The following CTDSPL2 variants were observed in gnomAD, a reference collection of about 807,000 sequenced individuals.
The protein encoded by CTDSPL2 is CTD small phosphatase-like protein 2.
Under a neutral mutation model 60.0 loss-of-function variants are expected in CTDSPL2, and 5 were observed. That is an observed-to-expected ratio of 0.08 (90% CI 0.04 to 0.18). The LOEUF is 0.18. Among genes scored for constraint, CTDSPL2 ranks in the 10% least tolerant of loss-of-function variants. The pLI is 1.00. For synonymous variants in CTDSPL2, 186 were observed against 189.3 expected (o/e 0.98, Z 0.14); for missense variants, 370 against 548.8 (o/e 0.67, Z 3.26).
At chr15:44,459,793 G>T (rs1045807467) in intron 2 of CTDSPL2, among the ~76,000 whole-genome samples, 10 of 152,058 alleles carry the variant, frequency 6.6e-5, no homozygotes, top group Admixed American at 2.0e-4. Context: ...TTCTTTCAAA[G>T]AAAAAGTTTC....
At chr15:44,485,625 T>A (rs1174186244) in intron 3 of CTDSPL2, among the ~76,000 whole-genome samples, 1 of 152,232 alleles carries the variant, frequency 6.6e-6, no homozygotes, top group Non-Finnish European at 1.5e-5. Flanking sequence ...GTTCACCTCC[T>A]GCTCTGCGGC....
chr15:44,524,140 G>A lies in CTDSPL2; in HGVS notation c.1367G>A (p.Arg456Lys). 1 of 1,614,014 alleles carries A rather than the reference G, an allele frequency of 6.2e-7. No individual in the cohort carries two copies. Among genetic ancestry groups the A allele is most frequent in the Non-Finnish European group, 8.5e-7 (1 of 1,179,984 alleles). Residue 456 changes from arginine to lysine, a missense_variant, in exon 13 of 13, where the codon AGA (arginine) becomes AAA (lysine). This residue lies in a region of CTDSPL2 where 46 missense variants were observed against 126.0 expected (regional missense o/e 0.37). Transcript: ENST00000260327. The part of the protein sequence containing the change: ...NEDVRPHIRD[R>K]FRLHDLLPPD ...GATGTTCGACCACACATCAGAGACA[G>A]ATTTCGCTTGCATGATTTGCTGCCC...
intron 8 of CTDSPL2, among the ~76,000 whole-genome samples, chr15:44,508,687 C>T (rs1233735397): frequency 1.3e-5 from 2 of 152,140 alleles, no homozygotes; most frequent in East Asian, 3.9e-4. Context: ...CTTTGGGAGG[C>T]TGAGGCGGGT....
At chr15:44,498,826 G>C (rs1427333626) in intron 7 of CTDSPL2, among the ~76,000 whole-genome samples, 1 of 152,092 alleles carries the variant, frequency 6.6e-6, no homozygotes, top group South Asian at 2.1e-4. Context: ...TTGATCCCGG[G>C]AAGTGGAGGT....
At chr15:44,506,375 A>G (rs1020237512) in intron 8 of CTDSPL2, among the ~76,000 whole-genome samples, 2 of 145,820 alleles carry the variant, frequency 1.4e-5, no homozygotes, top group African/African-American at 5.1e-5. Flanking sequence ...TAAATCACCT[A>G]TATGAATACA....
chr15:44,481,799 C>T (rs1364440522), intron 2 of CTDSPL2, among the ~76,000 whole-genome samples: 1 of 152,180 alleles, frequency 6.6e-6, no homozygotes, highest in East Asian at 1.9e-4. Flanking sequence ...TCCCGAACTC[C>T]CAACCTCAGG....
At chr15:44,472,255 G>A (rs984443368) in intron 2 of CTDSPL2, among the ~76,000 whole-genome samples, 3 of 152,148 alleles carry the variant, frequency 2.0e-5, no homozygotes, top group African/African-American at 7.2e-5. Flanking sequence ...GCTTTTTAAG[G>A]AACTGCCAGA....
intron 8 of CTDSPL2, among the ~76,000 whole-genome samples, chr15:44,511,257 G>T (rs1297553969): frequency 6.6e-6 from 1 of 152,122 alleles, no homozygotes; most frequent in East Asian, 1.9e-4. Context: ...CTTATCCCCA[G>T]TAAACAAACA....
chr15:44,525,400 T>C lies in CTDSPL2; in HGVS notation c.*1226T>C, dbSNP rs1012030202. On this transcript the variant is annotated 3_prime_UTR_variant, in exon 13 of 13. Coordinates refer to ENST00000260327, the MANE Select transcript of CTDSPL2 (RefSeq NM_016396.3). ...CAGCTACCACAAGAGGTTGATATTT[T>C]TATAGTGGCGTGTAATCTCCTTTTC... is the stretch of plus-strand genomic sequence containing the variant. The C allele has an allele frequency of 4.8e-5, 19 of 398,820 alleles. No individual in the cohort carries two copies. Among genetic ancestry groups the C allele is most frequent in the Non-Finnish European group, 7.5e-5 (17 of 225,974 alleles). 24.7% of individuals were successfully genotyped at this position (398,820 alleles called of 1,614,324 possible). A position where few individuals can be genotyped will look rare whatever the true frequency, so the allele number is the denominator to read the frequency against.
intron 12 of CTDSPL2, among the ~76,000 whole-genome samples, chr15:44,523,872 C>G (rs2081830596): frequency 6.6e-6 from 1 of 152,042 alleles, no homozygotes; most frequent in African/African-American, 2.4e-5. Flanking sequence ...GCACTCCAGC[C>G]TGAGCAACAG....
intron 2 of CTDSPL2, 141 bp downstream of exon 2, chr15:44,459,341 C>CA (rs1257118847): frequency 2.0e-6 from 1 of 490,952 alleles, no homozygotes; most frequent in African/African-American, 2.0e-5. Flanking sequence ...TCCTGGCTAA[C>CA]ACGGTGAAAC....
At chr15:44,505,936 A>G (rs1416928838) in intron 8 of CTDSPL2, among the ~76,000 whole-genome samples, 1 of 151,958 alleles carries the variant, frequency 6.6e-6, no homozygotes, top group African/African-American at 2.4e-5. Flanking sequence ...ATTAATGTAA[A>G]TACATCAAGT....
intron 10 of CTDSPL2, 96 bp downstream of exon 10, chr15:44,514,940 A>AG: frequency 1.4e-6 from 1 of 730,858 alleles, no homozygotes; most frequent in Non-Finnish European, 2.3e-6. Flanking sequence ...AGTTGGCTGC[A>AG]TATGTGTTGA....
chr15:44,428,213 T>C (rs1481713830), intron 1 of CTDSPL2: 1 of 152,262 alleles, frequency 6.6e-6, no homozygotes, highest in Non-Finnish European at 1.5e-5. Flanking sequence ...TCAGTTCTTA[T>C]AAACACCTTT....
Position 44,527,209 on chromosome 15 carries a change from A to G in CTDSPL2, c.*3035A>G, listed in dbSNP as rs1027424375. 1 of 151,748 alleles carries G rather than the reference A, an allele frequency of 6.6e-6. No individual in the cohort carries two copies. The highest frequency in any genetic ancestry group is 2.4e-5 in the African/African-American group (1 of 41,204). The allele number at this position is 151,748 out of a possible 1,614,324, so 9.4% of individuals were successfully genotyped here. On this transcript the variant is annotated 3_prime_UTR_variant, in exon 13 of 13. Transcript: ENST00000260327. The stretch of plus-strand genomic sequence containing the variant: ...CATTGTGTAACTTCTATAAACGGCT[A>G]TTTTCTTGTAACTGTCAGTGAAATG...
intron 2 of CTDSPL2, among the ~76,000 whole-genome samples, chr15:44,462,661 G>T (rs940750774): frequency 1.3e-4 from 20 of 150,642 alleles, no homozygotes; most frequent in African/African-American, 4.9e-4. Flanking sequence ...CCGTTCCATG[G>T]CCCAGAGGCT....
intron 11 of CTDSPL2, 91 bp from the exon 12 acceptor site, chr15:44,521,220 T>C (rs558846064): frequency 1.3e-5 from 8 of 629,246 alleles, no homozygotes; most frequent in African/African-American, 7.5e-5. Context: ...GATCAGTGTT[T>C]ACTTAATAAA....
chr15:44,507,840 G>A (rs979366179), intron 8 of CTDSPL2, among the ~76,000 whole-genome samples: 1 of 152,168 alleles, frequency 6.6e-6, no homozygotes, highest in Non-Finnish European at 1.5e-5. Flanking sequence ...GATAATAATA[G>A]CTAATAGCTA....
Position 44,519,235 on chromosome 15 carries a change from T to A in CTDSPL2, c.1179T>A (p.Leu393=), listed in dbSNP as rs2081714040. The A allele has an allele frequency of 6.4e-7, 1 of 1,572,580 alleles. No homozygotes were observed. The highest frequency in any genetic ancestry group is 8.6e-7 in the Non-Finnish European group (1 of 1,165,330). Residue 393 remains leucine (L), a synonymous_variant, in exon 11 of 13, where the codon CTT becomes CTA. Coordinates refer to ENST00000260327, the MANE Select transcript of CTDSPL2 (RefSeq NM_016396.3). Reference sequence around the variant, plus strand: ...ACTATATAAAGGACTTAAATATTCTTGGAAGAGATCTTTCAAAAACTATAA... The same window carrying A: ...ACTATATAAAGGACTTAAATATTCTAGGAAGAGATCTTTCAAAAACTATAA... The part of the protein sequence containing the change: ...QGNYIKDLNI[L]GRDLSKTIII...
Sources: allele counts gnomAD v4.1 joint callset (sites outside exome capture counted in the v4.1 genomes callset), GRCh38; gene constraint gnomAD v4.1.1; regional missense constraint gnomAD v4.1.1; transcripts MANE v1.5; gene names NCBI Gene and HGNC (gene_info 2026-07-23, HGNC 2026-07-21).